The following HIP1 variants were observed in gnomAD, a reference collection of about 807,000 sequenced individuals.
HIP1 encodes the protein huntingtin-interacting protein 1.
A neutral mutation model predicts 147.6 loss-of-function variants in HIP1; 65 were observed. The observed-to-expected ratio is 0.44, with a 90% CI of 0.36 to 0.54. The LOEUF is 0.54. Among genes scored for constraint, HIP1 ranks in the 20% least tolerant of loss-of-function variants. The pLI, the probability that HIP1 is intolerant of heterozygous loss-of-function variation, is 0.00. For synonymous variants in HIP1, 479 were observed against 504.0 expected, an observed-to-expected ratio of 0.95 and a Z score of 0.67; for missense variants, 1,061 against 1,299.6, an observed-to-expected ratio of 0.82 and a Z score of 2.82.
intron 1 of HIP1, among the ~76,000 whole-genome samples, chr7:75,609,084 G>T (rs1161144668): frequency 6.6e-6 from 1 of 152,194 alleles, no homozygotes; most frequent in Non-Finnish European, 1.5e-5. Context: ...CTTGTGGAAA[G>T]AAGTTTCTTC....
chr7:75,584,545 C>A (rs1472133627), intron 5 of HIP1, among the ~76,000 whole-genome samples: 1 of 152,188 alleles, frequency 6.6e-6, no homozygotes, highest in Non-Finnish European at 1.5e-5. Context: ...GCATCCTCTT[C>A]GACCCCAGTT....
intron 1 of HIP1, among the ~76,000 whole-genome samples, chr7:75,650,738 T>C (rs1392489232): frequency 1.3e-5 from 2 of 152,094 alleles, no homozygotes; most frequent in African/African-American, 4.8e-5. Flanking sequence ...CTCTGCCCAG[T>C]TATCTCCAAA....
chr7:75,723,898 T>C (rs1369248442), intron 1 of HIP1, among the ~76,000 whole-genome samples: 1 of 151,888 alleles, frequency 6.6e-6, no homozygotes, highest in African/African-American at 2.4e-5. Context: ...TATAGGTGTG[T>C]GTCAGTGCGC....
In HIP1 at chr7:75,539,357, G is replaced by A. The variant is rs145864307; in HGVS notation, c.3027C>T (p.Tyr1009=). ...AGCCCTCAGCAACACCAGCAAGCTC[G>A]TAGTGCTTTTTCCGAAGCTCTCCCA... The part of the protein sequence containing the change: ...QKLGELRKKH[Y]ELAGVAEGWE... The change falls in exon 30 of 31, where the codon TAC becomes TAT. Residue 1009 remains tyrosine, a synonymous_variant. Transcript: ENST00000336926. 1.2e-3 allele frequency: 1,871 copies of A among 1,614,090 alleles called. 33 individuals carry two copies. In the South Asian group the frequency reaches 0.014, roughly 12 times the overall value.
intron 5 of HIP1, among the ~76,000 whole-genome samples, chr7:75,584,608 G>A (rs1345760716): frequency 6.6e-6 from 1 of 151,992 alleles, no homozygotes; most frequent in African/African-American, 2.4e-5. Flanking sequence ...TTAAAAGCTA[G>A]GGGACTGGCT....
chr7:75,658,864 A>G (rs1382071531), intron 1 of HIP1, among the ~76,000 whole-genome samples: 2 of 152,160 alleles, frequency 1.3e-5, no homozygotes, highest in Admixed American at 6.6e-5. Context: ...ACTGCATTCC[A>G]GTGTGGGTGA....
At chr7:75,716,721 C>T (rs555280560) in intron 1 of HIP1, among the ~76,000 whole-genome samples, 53 of 151,388 alleles carry the variant, frequency 3.5e-4, no homozygotes, top group Non-Finnish European at 5.3e-4. Flanking sequence ...AGGGTTTCAC[C>T]GTGTTAGCCA....
At chr7:75,666,576 T>C (rs1210491800) in intron 1 of HIP1, among the ~76,000 whole-genome samples, 1 of 152,190 alleles carries the variant, frequency 6.6e-6, no homozygotes, top group Non-Finnish European at 1.5e-5. Flanking sequence ...TATTCTCCAC[T>C]GCGTGGTCTT....
At chr7:75,717,508 T>A (rs1801356355) in intron 1 of HIP1, among the ~76,000 whole-genome samples, 1 of 151,888 alleles carries the variant, frequency 6.6e-6, no homozygotes, top group South Asian at 2.1e-4. Context: ...GGCAGGTTCA[T>A]AACAATGGCT....
rs918128404 is a variant in HIP1 at position 75,586,839 on chromosome 7, A to G, written c.385-6T>C. On this transcript the variant is annotated splice_region_variant and splice_polypyrimidine_tract_variant and intron_variant, in intron 4 of 30. Coordinates refer to ENST00000336926, the MANE Select transcript of HIP1 (RefSeq NM_005338.7). The stretch of plus-strand genomic sequence containing the variant: ...TACCCCTCGCTCAGGTGGCCCTTTT[A>G]GGAAGAGGAGGGGAAACAGAGTCAA... The G allele has an allele frequency of 6.3e-7, 1 of 1,591,434 alleles. No individual in the cohort carries two copies. Among genetic ancestry groups the G allele is most frequent in the Non-Finnish European group, 8.6e-7 (1 of 1,159,998 alleles).
chr7:75,718,084 A>C (rs1461508276), intron 1 of HIP1, among the ~76,000 whole-genome samples: 1 of 152,070 alleles, frequency 6.6e-6, no homozygotes, highest in Non-Finnish European at 1.5e-5. Context: ...GTAGTTCAAG[A>C]TCAGGCTGGA....
At chr7:75,647,426 C>A (rs184462171) in intron 1 of HIP1, among the ~76,000 whole-genome samples, 54 of 151,924 alleles carry the variant, frequency 3.6e-4, no homozygotes, top group African/African-American at 1.3e-3. Flanking sequence ...AAACAAAAAA[C>A]TGTGCACAAA....
rs782229308 is a variant in HIP1, at chr7:75,544,798, T to A, written c.2663A>T (p.Asp888Val). Residue 888 changes from aspartate (D) to valine (V), a missense_variant and splice_region_variant, in exon 27 of 31, where the codon GAT (aspartate) becomes GTT (valine). Physicochemically the swap from Asp to Val is radical, Grantham distance 152. Transcript: ENST00000336926. ...GCCTTGTACCACCAGATCAGCTGCA[T>A]CCCTGATGGAAAACGACAAGAGGGA... is the stretch of plus-strand genomic sequence containing the variant. ...AVGWGATVMV[D>V]AADLVVQGRG... 12 of 1,600,598 alleles carry A rather than the reference T, an allele frequency of 7.5e-6. 1 individual carries two copies. In the Middle Eastern group the frequency reaches 8.3e-4, roughly 110 times the overall value.
chr7:75,692,450 T>C (rs1170092727), intron 1 of HIP1, among the ~76,000 whole-genome samples: 1 of 151,510 alleles, frequency 6.6e-6, no homozygotes, highest in Non-Finnish European at 1.5e-5. Flanking sequence ...AGACAGATTC[T>C]TGTTCTATCA....
rs1794007893 is a variant in HIP1, at chr7:75,534,437, CTCT to C, written c.*3732_*3734del. 2 of 182,574 alleles carry C rather than the reference CTCT, an allele frequency of 1.1e-5. No individual in the cohort carries two copies. The highest frequency in any genetic ancestry group is 8.6e-5 in the East Asian group (1 of 11,636). The allele number at this position is 182,574 out of a possible 1,614,324, so 11.3% of individuals were successfully genotyped here. ...CTCTTCTATTTCTTTCTCTCTCTCTCTCTTTTTTTTTTTTGAGATGGAGTCTCA... is the reference window on the plus strand; with the variant it reads ...CTCTTCTATTTCTTTCTCTCTCTCTCTTTTTTTTTTTGAGATGGAGTCTCA... On this transcript the variant is annotated 3_prime_UTR_variant, in exon 31 of 31. Transcript: ENST00000336926.
chr7:75,548,642 A>C (rs1328061318), intron 23 of HIP1, among the ~76,000 whole-genome samples: 2 of 151,530 alleles, frequency 1.3e-5, no homozygotes, highest in Non-Finnish European at 2.9e-5. Context: ...ATGCCCAGCT[A>C]ATTATTTTAT....
chr7:75,681,451 C>T (rs1358453288), intron 1 of HIP1, among the ~76,000 whole-genome samples: 9 of 151,452 alleles, frequency 5.9e-5, no homozygotes, highest in Non-Finnish European at 1.3e-4. Flanking sequence ...TGCCCCTAGA[C>T]CAGGGTGTTT....
At chr7:75,693,915 T>TTTTC (rs1216174681) in intron 1 of HIP1, among the ~76,000 whole-genome samples, 4 of 109,432 alleles carry the variant, frequency 3.7e-5, no homozygotes, top group Non-Finnish European at 7.3e-5. Context: ...TCCAATTCTC[T>TTTTC]TTTCTTTTTT....
At chr7:75,643,688 A>T (rs1179593) in intron 1 of HIP1, among the ~76,000 whole-genome samples, 24,400 of 152,066 alleles carry the variant, frequency 0.16, 2,227 homozygotes, top group African/African-American at 0.25. Context: ...TGCATAATAG[A>T]GATGGCTATT....
Sources: allele counts gnomAD v4.1 joint callset (sites outside exome capture counted in the v4.1 genomes callset), GRCh38; gene constraint gnomAD v4.1.1; transcripts MANE v1.5; gene names NCBI Gene and HGNC (gene_info 2026-07-23, HGNC 2026-07-21).